GTF3C3: variants seen among roughly 807,000 people sequenced by gnomAD.
The protein encoded by GTF3C3 is general transcription factor IIIC subunit 3.
A neutral mutation model predicts 105.2 loss-of-function variants in GTF3C3; 75 were observed. That is an observed-to-expected ratio of 0.71 (90% CI 0.59 to 0.86). The LOEUF (loss-of-function observed/expected upper bound fraction) is 0.86, where lower values mean the gene tolerates loss of function less well. Ranked by LOEUF, GTF3C3 falls within the 40% of genes least tolerant of loss-of-function variation. GTF3C3 has a pLI of 0.00. For missense variants in GTF3C3, 856 were observed against 1,076.5 expected (o/e 0.80, Z 2.87); for synonymous variants, 335 against 370.4 (o/e 0.90, Z 1.10).
At chr2:196,783,864 A>G (rs994761323) in intron 8 of GTF3C3, among the ~76,000 whole-genome samples, 4 of 152,124 alleles carry the variant, frequency 2.6e-5, no homozygotes, top group Non-Finnish European at 4.4e-5. Context: ...TATCATACTC[A>G]TCTGCGTAGT....
intron 13 of GTF3C3, 95 bp downstream of exon 13, chr2:196,775,021 G>T: frequency 2.5e-6 from 2 of 811,988 alleles, no homozygotes; most frequent in Non-Finnish European, 3.8e-6. Context: ...TATTTGAAAA[G>T]TATATTTTCA....
At chr2:196,781,813 TACTC>T (rs1699369487) in intron 8 of GTF3C3, among the ~76,000 whole-genome samples, 1 of 152,168 alleles carries the variant, frequency 6.6e-6, no homozygotes, top group African/African-American at 2.4e-5. Context: ...CATGTAAATT[TACTC>T]ACACTAAGCC....
intron 2 of GTF3C3, 70 bp downstream of exon 2, chr2:196,797,727 A>G: frequency 1.1e-6 from 1 of 889,344 alleles, no homozygotes; most frequent in South Asian, 1.3e-5. Flanking sequence ...TGAAAATACA[A>G]TGTTTCACTA....
In GTF3C3 at chr2:196,791,209, T is replaced by C. The variant is rs536027311; in HGVS notation, c.535+128A>G. 44 of 737,178 alleles carry C rather than the reference T, an allele frequency of 6.0e-5. No individual in the cohort carries two copies. The African/African-American group carries it at 7.4e-4, about 12-fold the overall frequency. The allele number at this position is 737,178 out of a possible 1,614,324, so 45.7% of individuals were successfully genotyped here. A position where few individuals can be genotyped will look rare whatever the true frequency, so the allele number is the denominator to read the frequency against. On this transcript the variant is annotated intron_variant, in intron 4 of 17. Transcript: ENST00000263956. Reference sequence around the variant, plus strand: ...TTCATTTTCTTGTGAAAAGTGGCAATTACCATTACCACAATCACCCTTAAG... The same window carrying C: ...TTCATTTTCTTGTGAAAAGTGGCAACTACCATTACCACAATCACCCTTAAG...
chr2:196,770,020 A>G lies in GTF3C3; in HGVS notation c.2280T>C (p.Phe760=). 1 of 1,564,030 alleles carries G rather than the reference A, an allele frequency of 6.4e-7. No individual in the cohort carries two copies. Among genetic ancestry groups the G allele is most frequent in the Non-Finnish European group, 8.6e-7 (1 of 1,161,752 alleles). ...KHALGQYVQA[F]RTHPDEPLYS... ...AGAGAGGTTCGTCAGGGTGAGTGCG[A>G]AAGGCTTGCACATACTGTCCTGGAA... The change falls in exon 16 of 18, where the codon TTT becomes TTC. Residue 760 remains phenylalanine, a synonymous_variant. Coordinates refer to ENST00000263956, the MANE Select transcript of GTF3C3 (RefSeq NM_012086.5).
chr2:196,793,115 C>T lies in GTF3C3; in HGVS notation c.252G>A (p.Lys84=). The change falls in exon 3 of 18, where the codon AAG becomes AAA. Residue 84 remains lysine (K), a synonymous_variant. Coordinates refer to ENST00000263956, the MANE Select transcript of GTF3C3 (RefSeq NM_012086.5). The part of the protein sequence containing the change: ...TSDGVRKSVH[K]VFASMLGENE... ...TCTCTCCAAGCATGGAAGCAAAGAC[C>T]TTGTGAACTGACTTCCTCACTCCAT... 1.2e-6 allele frequency: 2 copies of T among 1,613,740 alleles called. No individual in the cohort carries two copies. The highest frequency in any genetic ancestry group is 1.7e-6 in the Non-Finnish European group (2 of 1,179,764).
In GTF3C3 at chr2:196,766,569, A is replaced by G. The variant is rs1699072912; in HGVS notation, c.2534T>C (p.Val845Ala). The G allele has an allele frequency of 1.2e-6, 2 of 1,607,496 alleles. No homozygotes were observed. The highest frequency in any genetic ancestry group is 1.1e-5 in the South Asian group (1 of 90,196). ...AGTTTTAAAAATGCACAATACCTCTACCACAAGTGGAGGGAGCTCCAGGGC... is the reference window on the plus strand; with the variant it reads ...AGTTTTAAAAATGCACAATACCTCTGCCACAAGTGGAGGGAGCTCCAGGGC... The part of the protein sequence containing the change: ...QKALELPPLV[V>A]EGIELDQLDL... Residue 845 changes from valine (V) to alanine (A), a missense_variant, in exon 17 of 18, where the codon GTA (valine) becomes GCA (alanine). This residue lies in a region of GTF3C3 where 134 missense variants were observed against 128.9 expected (regional missense o/e 1.04). Transcript: ENST00000263956.
At chr2:196,765,075 T>G (rs1406979624) in intron 17 of GTF3C3, among the ~76,000 whole-genome samples, 1 of 152,034 alleles carries the variant, frequency 6.6e-6, no homozygotes, top group East Asian at 1.9e-4. Context: ...CATAAAAAAC[T>G]TCTCTGTGTA....
At chr2:196,797,992 A>G (rs968764347) in intron 1 of GTF3C3, 84 bp from the exon 2 acceptor site, 2 of 810,636 alleles carry the variant, frequency 2.5e-6, no homozygotes, top group Non-Finnish European at 4.3e-6. Context: ...TTCTAGTCCT[A>G]GCTTTGCCAC....
In GTF3C3 at chr2:196,775,072, A is replaced by G. The variant is rs145255645; in HGVS notation, c.1831+44T>C. On this transcript the variant is annotated intron_variant, in intron 13 of 17. Coordinates refer to ENST00000263956, the MANE Select transcript of GTF3C3 (RefSeq NM_012086.5). ...AGTGTTACTTCATGAGTCTTTTTCA[A>G]TTCAGCCAAATTTTATATAACATAA... 6.0e-4 allele frequency: 916 copies of G among 1,539,414 alleles called. 9 individuals are homozygous for G. In the East Asian group the frequency reaches 0.011, roughly 19 times the overall value.
intron 13 of GTF3C3, among the ~76,000 whole-genome samples, chr2:196,774,312 G>T (rs923050860): frequency 2.0e-5 from 3 of 152,100 alleles, no homozygotes; most frequent in African/African-American, 7.2e-5. Flanking sequence ...ATAAGAAAAT[G>T]ATTAAATTAT....
intron 16 of GTF3C3, among the ~76,000 whole-genome samples, chr2:196,767,213 A>G (rs368271349): frequency 1.3e-5 from 2 of 152,180 alleles, no homozygotes; most frequent in Admixed American, 1.3e-4. Context: ...TCTTAACCCA[A>G]AAAAACTGGA....
chr2:196,781,357 A>AAATATATATATAT, intron 8 of GTF3C3, among the ~76,000 whole-genome samples: 22 of 18,824 alleles, frequency 1.2e-3, no homozygotes, highest in Non-Finnish European at 1.3e-3. Context: ...AAAAAAAAAA[A>AAATATATATATAT]ATATATATAT....
chr2:196,766,796 GA>G, intron 16 of GTF3C3, 79 bp from the exon 17 acceptor site: 3 of 1,079,998 alleles, frequency 2.8e-6, no homozygotes, highest in Non-Finnish European at 4.0e-6. Flanking sequence ...ACCAGGTGCT[GA>G]AAATACAAAT....
Position 196,790,031 on chromosome 2 carries a change from A to G in GTF3C3, c.575T>C (p.Ile192Thr). Reference protein sequence around the residue: ...AYEPFSTLAMIYEDQGDMEKS... With the variant: ...AYEPFSTLAMTYEDQGDMEKS... ...TTCCATGTCACCTTGGTCCTCATAT[A>G]TCATGGCTAGAGTAGAGAATGGCTC... The change falls in exon 5 of 18, where the codon ATA (isoleucine) becomes ACA (threonine). Residue 192 changes from isoleucine (I) to threonine (T), a missense_variant. Transcript: ENST00000263956. 1 of 1,612,804 alleles carries G rather than the reference A, an allele frequency of 6.2e-7. No homozygotes were observed. Among genetic ancestry groups the G allele is most frequent in the East Asian group, 2.2e-5 (1 of 44,844 alleles).
Position 196,764,414 on chromosome 2 carries a change from A to C in GTF3C3, c.*149T>G. 1 of 702,730 alleles carries C rather than the reference A, an allele frequency of 1.4e-6. No individual in the cohort carries two copies. The allele number at this position is 702,730 out of a possible 1,614,324, so 43.5% of individuals were successfully genotyped here. A position where few individuals can be genotyped will look rare whatever the true frequency, so the allele number is the denominator to read the frequency against. On this transcript the variant is annotated 3_prime_UTR_variant, in exon 18 of 18. Coordinates refer to ENST00000263956, the MANE Select transcript of GTF3C3 (RefSeq NM_012086.5). ...AATTTTGCATATATACCACAAGATC[A>C]TTATCACATATTAAAAATAAATACA... is the stretch of plus-strand genomic sequence containing the variant.
At chr2:196,799,237 T>C (rs2125754423) in intron 1 of GTF3C3, 2 of 361,388 alleles carry the variant, frequency 5.5e-6, no homozygotes, top group Admixed American at 4.1e-5. Flanking sequence ...CCATTTAACT[T>C]ACCAGCGTTA....
At chr2:196,779,192 A>G (rs1699305113) in intron 9 of GTF3C3, 125 bp from the exon 10 acceptor site, 1 of 712,108 alleles carries the variant, frequency 1.4e-6, no homozygotes. Flanking sequence ...CAGTGGCACA[A>G]TCTTGGCTCA....
intron 17 of GTF3C3, 56 bp from the exon 18 acceptor site, chr2:196,764,741 T>C: frequency 1.4e-6 from 2 of 1,472,146 alleles, no homozygotes; most frequent in Middle Eastern, 1.8e-4. Context: ...ACCGGGACAA[T>C]TTTATGGCAA....
Sources: gnomAD v4.1 joint callset for allele counts (sites outside exome capture counted in the v4.1 genomes callset) on GRCh38, gnomAD v4.1.1 for gene constraint, gnomAD v4.1.1 regional missense constraint, MANE v1.5 for transcripts, NCBI Gene and HGNC (gene_info 2026-07-23, HGNC 2026-07-21) for gene names.